The following CERS6 variants were observed in gnomAD, a reference collection of about 807,000 sequenced individuals.
The protein encoded by CERS6 is LAG1 homolog, ceramide synthase 6.
CERS6 carries 26 observed loss-of-function variants against 56.8 expected under a neutral mutation model. The ratio of observed to expected loss-of-function variants is 0.46; its 90% CI spans 0.34 to 0.63. The LOEUF (loss-of-function observed/expected upper bound fraction) is 0.63. Ranked by LOEUF, CERS6 falls within the 30% of genes least tolerant of loss-of-function variation. The pLI is 0.01. For synonymous variants in CERS6, 164 were observed against 173.3 expected, an observed-to-expected ratio of 0.95 and a Z score of 0.42; for missense variants, 415 against 467.5, an observed-to-expected ratio of 0.89 and a Z score of 1.04.
intron 3 of CERS6, among the ~76,000 whole-genome samples, chr2:168,606,190 G>A (rs1226781764): frequency 2.0e-5 from 3 of 152,226 alleles, no homozygotes; most frequent in African/African-American, 4.8e-5. Flanking sequence ...AGTGTGCCCT[G>A]GATGTGAGAC....
intron 4 of CERS6, among the ~76,000 whole-genome samples, chr2:168,638,681 T>C (rs563948597): frequency 5.9e-5 from 9 of 152,356 alleles, no homozygotes; most frequent in Non-Finnish European, 7.3e-5. Context: ...TGTTTAGTGG[T>C]ATGCCATACT....
chr2:168,506,083 G>A (rs936942924), intron 1 of CERS6, among the ~76,000 whole-genome samples: 3 of 152,232 alleles, frequency 2.0e-5, no homozygotes, highest in African/African-American at 4.8e-5. Context: ...TTTGAGAGGC[G>A]ATCAGATATG....
chr2:168,559,317 A>C (rs1695742028), intron 2 of CERS6, among the ~76,000 whole-genome samples: 1 of 152,138 alleles, frequency 6.6e-6, no homozygotes, highest in African/African-American at 2.4e-5. Flanking sequence ...TGTCTGTTCT[A>C]GTCAGTTCTG....
chr2:168,494,711 G>A (rs1224424877), intron 1 of CERS6, among the ~76,000 whole-genome samples: 1 of 152,098 alleles, frequency 6.6e-6, no homozygotes, highest in African/African-American at 2.4e-5. Flanking sequence ...TATATACAGG[G>A]TGTTCCAGTG....
intron 1 of CERS6, among the ~76,000 whole-genome samples, chr2:168,494,002 T>C (rs1694419217): frequency 6.6e-6 from 1 of 152,118 alleles, no homozygotes; most frequent in Admixed American, 6.6e-5. Flanking sequence ...TCACCTCTTC[T>C]TGCTAAGCCA....
intron 4 of CERS6, among the ~76,000 whole-genome samples, chr2:168,671,477 G>T (rs1685915906): frequency 6.6e-6 from 1 of 152,100 alleles, no homozygotes. Flanking sequence ...GACAGTTTTT[G>T]ATTACTTCCT....
At chr2:168,681,538 G>T (rs946908787) in intron 4 of CERS6, among the ~76,000 whole-genome samples, 2 of 151,844 alleles carry the variant, frequency 1.3e-5, no homozygotes, top group African/African-American at 4.8e-5. Flanking sequence ...CATATTTTTG[G>T]GGTACGGTGT....
intron 8 of CERS6, among the ~76,000 whole-genome samples, chr2:168,740,069 T>C (rs1040056249): frequency 5.3e-5 from 8 of 152,102 alleles, no homozygotes; most frequent in African/African-American, 1.7e-4. Flanking sequence ...TGTTGTAAAG[T>C]TCAGTATGGC....
At chr2:168,766,273 T>G in intron 9 of CERS6, 1 of 1,574,332 alleles carries the variant, frequency 6.4e-7, no homozygotes, top group Non-Finnish European at 8.6e-7. Flanking sequence ...GATCATTCTC[T>G]GTGACATTTT....
intron 8 of CERS6, among the ~76,000 whole-genome samples, chr2:168,753,006 A>G (rs1684321557): frequency 1.3e-5 from 2 of 152,260 alleles, no homozygotes; most frequent in African/African-American, 4.8e-5. Flanking sequence ...GAAAACAATC[A>G]GAACAAGTGA....
intron 1 of CERS6, among the ~76,000 whole-genome samples, chr2:168,493,076 A>T (rs1474790584): frequency 6.6e-6 from 1 of 152,144 alleles, no homozygotes. Flanking sequence ...GATTATTAGA[A>T]TATAAATTTT....
chr2:168,542,234 T>C (rs2105369310), intron 1 of CERS6, among the ~76,000 whole-genome samples: 1 of 152,336 alleles, frequency 6.6e-6, no homozygotes, highest in Non-Finnish European at 1.5e-5. Flanking sequence ...TTGAAATCCT[T>C]ATTGAGACAG....
chr2:168,514,205 C>G (rs563379410), intron 1 of CERS6, among the ~76,000 whole-genome samples: 2 of 152,210 alleles, frequency 1.3e-5, no homozygotes, highest in Non-Finnish European at 2.9e-5. Flanking sequence ...AATTTTAAAC[C>G]CTTCTTTGCT....
chr2:168,459,350 TAA>T (rs1693736490), intron 1 of CERS6, among the ~76,000 whole-genome samples: 1 of 152,266 alleles, frequency 6.6e-6, no homozygotes, highest in Non-Finnish European at 1.5e-5. Flanking sequence ...TTTGCCCAGT[TAA>T]ACAGTCCTTT....
chr2:168,537,050 A>C (rs1340401280), intron 1 of CERS6, among the ~76,000 whole-genome samples: 1 of 152,216 alleles, frequency 6.6e-6, no homozygotes, highest in African/African-American at 2.4e-5. Context: ...ATACCTTTAT[A>C]AGCTGTGCCA....
At chr2:168,581,683 C>T (rs1645292335) in intron 3 of CERS6, among the ~76,000 whole-genome samples, 1 of 152,068 alleles carries the variant, frequency 6.6e-6, no homozygotes, top group African/African-American at 2.4e-5. Flanking sequence ...TTTGCAGATA[C>T]TTTTTATGTG....
At chr2:168,626,178 C>T (rs952568486) in intron 3 of CERS6, among the ~76,000 whole-genome samples, 2 of 152,136 alleles carry the variant, frequency 1.3e-5, no homozygotes, top group Non-Finnish European at 2.9e-5. Context: ...ATAATGCCTA[C>T]CTTGTTGTGT....
At chr2:168,718,566 T>C (rs1265096540) in intron 8 of CERS6, among the ~76,000 whole-genome samples, 1 of 152,232 alleles carries the variant, frequency 6.6e-6, no homozygotes, top group Non-Finnish European at 1.5e-5. Context: ...TCTAACCAAA[T>C]AGAGTCTTTG....
chr2:168,688,943 C>T (rs1686426819), intron 4 of CERS6, among the ~76,000 whole-genome samples: 1 of 152,290 alleles, frequency 6.6e-6, no homozygotes, highest in East Asian at 1.9e-4. Flanking sequence ...AGCCAAGAAG[C>T]TCACAAAGGA....
Sources: gnomAD v4.1 joint callset for allele counts (sites outside exome capture counted in the v4.1 genomes callset) on GRCh38, gnomAD v4.1.1 for gene constraint, MANE v1.5 for transcripts, NCBI Gene and HGNC (gene_info 2026-07-23, HGNC 2026-07-21) for gene names.